Variants in ENPEP observed in about 807,000 individuals in gnomAD.
The protein encoded by ENPEP is AP-A.
Under a neutral mutation model 114.5 loss-of-function variants are expected in ENPEP, and 103 were observed. The ratio of observed to expected loss-of-function variants is 0.90; its 90% CI spans 0.77 to 1.06. ENPEP has a LOEUF of 1.06. Ranked by LOEUF, ENPEP falls within the 50% of genes least tolerant of loss-of-function variation. The pLI is 0.00. For missense variants in ENPEP, 1,196 were observed against 1,161.3 expected, an observed-to-expected ratio of 1.03 and a Z score of -0.43; for synonymous variants, 420 against 422.0, an observed-to-expected ratio of 1.00 and a Z score of 0.06.
chr4:110,523,702 C>A (rs1726090865), intron 10 of ENPEP, among the ~76,000 whole-genome samples: 1 of 152,068 alleles, frequency 6.6e-6, no homozygotes, highest in Non-Finnish European at 1.5e-5. Context: ...AATATAAAGT[C>A]TTGACATTGT....
At chr4:110,553,162 TTG>T (rs1176667079) in intron 17 of ENPEP, among the ~76,000 whole-genome samples, 151 bp from the exon 18 acceptor site, 29 of 152,234 alleles carry the variant, frequency 1.9e-4, no homozygotes, top group African/African-American at 6.7e-4. Context: ...AAATTTTAAG[TTG>T]TCTTTCATCA....
chr4:110,547,653 G>A (rs934082251), intron 13 of ENPEP, among the ~76,000 whole-genome samples: 2 of 151,984 alleles, frequency 1.3e-5, no homozygotes, highest in Non-Finnish European at 2.9e-5. Context: ...CTTTTTTAAT[G>A]AATATTACTG....
intron 17 of ENPEP, among the ~76,000 whole-genome samples, chr4:110,550,390 A>G (rs902520527): frequency 6.6e-6 from 1 of 152,066 alleles, no homozygotes; most frequent in Non-Finnish European, 1.5e-5. Flanking sequence ...TTTGCTCACT[A>G]GGGTGAACTT....
At chr4:110,488,440 T>C in intron 1 of ENPEP, 101 bp from the exon 2 acceptor site, 1 of 1,363,760 alleles carries the variant, frequency 7.3e-7, no homozygotes, top group South Asian at 1.8e-5. Flanking sequence ...ATGTAATAGT[T>C]ATAATTGCAT....
intron 3 of ENPEP, among the ~76,000 whole-genome samples, chr4:110,496,871 G>A (rs1451015218): frequency 1.3e-5 from 2 of 152,154 alleles, no homozygotes; most frequent in African/African-American, 2.4e-5. Context: ...ACTTGGTTGA[G>A]ATGGTGTCTG....
rs143107150 is a variant in ENPEP, at chr4:110,476,991, G to T, written c.577G>T (p.Ala193Ser). ...CCTGTATCTCCTGACCATGGAGTTC[G>T]CCGGCTGGCTGAACGGCTCCCTCGT... ...DGLYLLTMEFAGWLNGSLVGF... is the reference protein window; with the variant it reads ...DGLYLLTMEFSGWLNGSLVGF... The change falls in exon 1 of 20, where the codon GCC becomes TCC. Residue 193 changes from alanine (A) to serine (S), a missense_variant. Ala to Ser is a moderately conservative substitution (Grantham distance 99). Transcript: ENST00000265162. 3 of 1,614,170 alleles carry T rather than the reference G, an allele frequency of 1.9e-6. No individual in the cohort carries two copies. Among genetic ancestry groups the T allele is most frequent in the South Asian group, 1.1e-5 (1 of 91,070 alleles).
intron 6 of ENPEP, among the ~76,000 whole-genome samples, chr4:110,511,313 C>G (rs1400487499): frequency 1.3e-5 from 2 of 151,846 alleles, no homozygotes; most frequent in Admixed American, 6.6e-5. Flanking sequence ...GTAGATAATT[C>G]TTTTTTTGTG....
chr4:110,500,988 G>A (rs1156615179), intron 3 of ENPEP, among the ~76,000 whole-genome samples: 1 of 152,102 alleles, frequency 6.6e-6, no homozygotes. Context: ...AAGGGAGGAT[G>A]CTTTCAAAAT....
intron 11 of ENPEP, among the ~76,000 whole-genome samples, 199 bp from the exon 12 acceptor site, chr4:110,542,552 T>A (rs482254): frequency 0.47 from 72,121 of 151,924 alleles, 18,678 homozygotes; most frequent in East Asian, 0.72. Context: ...ATTTCTTTTT[T>A]AGCTCACTCA....
rs117143011 is a variant in ENPEP at position 110,507,596 on chromosome 4, G to T, written c.1039+839G>T. ...CAGAGCAAGCTTGTAGATGCTGCATGTCTCTTCAATGGATACAATTCTATT... is the reference window on the plus strand; with the variant it reads ...CAGAGCAAGCTTGTAGATGCTGCATTTCTCTTCAATGGATACAATTCTATT... On this transcript the variant is annotated intron_variant, in intron 4 of 19. Coordinates refer to ENST00000265162, the MANE Select transcript of ENPEP (RefSeq NM_001977.4). Among the ~76,000 whole-genome samples, 519 of 152,354 alleles carry T rather than the reference G, an allele frequency of 3.4e-3. 19 individuals are homozygous for T. In the South Asian group the frequency reaches 0.045, roughly 13 times the overall value.
intron 13 of ENPEP, among the ~76,000 whole-genome samples, chr4:110,544,561 G>A (rs1726979738): frequency 6.6e-6 from 1 of 152,124 alleles, no homozygotes; most frequent in African/African-American, 2.4e-5. Context: ...CAGGCACTGT[G>A]TAGAATAGAA....
At chr4:110,494,683 G>T (rs571947096) in intron 3 of ENPEP, among the ~76,000 whole-genome samples, 2 of 152,090 alleles carry the variant, frequency 1.3e-5, no homozygotes, top group African/African-American at 4.8e-5. Flanking sequence ...TATCCTTGTC[G>T]CTCATGAGAA....
intron 3 of ENPEP, among the ~76,000 whole-genome samples, chr4:110,502,952 C>T (rs900378843): frequency 4.6e-5 from 7 of 152,004 alleles, no homozygotes; most frequent in East Asian, 1.9e-4. Flanking sequence ...ATGTACACAA[C>T]GTGCAGGTTT....
intron 11 of ENPEP, among the ~76,000 whole-genome samples, chr4:110,542,420 C>T (rs1726883414): frequency 6.6e-6 from 1 of 152,046 alleles, no homozygotes; most frequent in South Asian, 2.1e-4. Context: ...ACTTCTCTGT[C>T]TCGAGGCACT....
Position 110,541,429 on chromosome 4 carries a change from A to G in ENPEP, c.1808-1322A>G, listed in dbSNP as rs78531991. ...CACATCAAGTCAGAAAAAGGATTTT[A>G]TTGATTTTACCTGTGATAAGTCTCT... On this transcript the variant is annotated intron_variant, in intron 11 of 19. Transcript: ENST00000265162. 7.7e-3 allele frequency among the ~76,000 whole-genome samples: 1,168 copies of G among 152,196 alleles called. 7 individuals are homozygous for G. Among genetic ancestry groups the G allele is most frequent in the African/African-American group, 0.027 (1,122 of 41,532 alleles).
chr4:110,530,017 A>G (rs1726344624), intron 10 of ENPEP, among the ~76,000 whole-genome samples: 1 of 152,174 alleles, frequency 6.6e-6, no homozygotes. Context: ...CGGAGGTTGC[A>G]GTGAGCCGAG....
intron 1 of ENPEP, among the ~76,000 whole-genome samples, chr4:110,477,924 C>T (rs1724175027): frequency 6.6e-6 from 1 of 152,120 alleles, no homozygotes; most frequent in Admixed American, 6.5e-5. Flanking sequence ...GGCATAAACT[C>T]TCTCATTGAA....
At chr4:110,545,330 A>C (rs1210247765) in intron 13 of ENPEP, among the ~76,000 whole-genome samples, 1 of 151,956 alleles carries the variant, frequency 6.6e-6, no homozygotes, top group Non-Finnish European at 1.5e-5. Flanking sequence ...TGGGCATATG[A>C]CTCTTTTCAA....
At chr4:110,481,878 G>T (rs1242762292) in intron 1 of ENPEP, among the ~76,000 whole-genome samples, 1 of 152,146 alleles carries the variant, frequency 6.6e-6, no homozygotes, top group Non-Finnish European at 1.5e-5. Context: ...GATTTAAGCT[G>T]AATTTTGATG....
Sources: gnomAD v4.1 joint callset for allele counts (sites outside exome capture counted in the v4.1 genomes callset) on GRCh38, gnomAD v4.1.1 for gene constraint, MANE v1.5 for transcripts, NCBI Gene and HGNC (gene_info 2026-07-23, HGNC 2026-07-21) for gene names.